TNIK: variants seen among roughly 807,000 people sequenced by gnomAD.
TNIK encodes the protein TRAF2 and NCK interacting kinase.
In TNIK, 49 loss-of-function variants were observed where a neutral mutation model predicts 191.3. That is an observed-to-expected ratio of 0.26 (90% CI 0.20 to 0.32). The LOEUF (loss-of-function observed/expected upper bound fraction) is 0.32, where lower values mean the gene tolerates loss of function less well. Among genes scored for constraint, TNIK ranks in the 10% least tolerant of loss-of-function variants. The pLI is 1.00. For synonymous variants in TNIK, 594 were observed against 600.9 expected, an observed-to-expected ratio of 0.99 and a Z score of 0.17; for missense variants, 1,155 against 1,702.3, an observed-to-expected ratio of 0.68 and a Z score of 5.66.
intron 1 of TNIK, among the ~76,000 whole-genome samples, chr3:171,405,503 T>C (rs1474395891): frequency 2.5e-5 from 2 of 78,744 alleles, no homozygotes; most frequent in Non-Finnish European, 5.1e-5. Context: ...AATCACCAAA[T>C]CTGGTAAAAA....
At chr3:171,135,994 G>T (rs940187650) in intron 15 of TNIK, among the ~76,000 whole-genome samples, 6 of 152,238 alleles carry the variant, frequency 3.9e-5, no homozygotes, top group Non-Finnish European at 7.3e-5. Context: ...GGAAAACAGT[G>T]AAGTCAAGGT....
chr3:171,208,995 G>A (rs35344711), intron 4 of TNIK, among the ~76,000 whole-genome samples: 7,611 of 151,756 alleles, frequency 0.05, 287 homozygotes, highest in Middle Eastern at 0.1. Context: ...CTAAATAAGT[G>A]ACCTGATTTA....
chr3:171,101,666 G>A, intron 21 of TNIK, 33 bp from the exon 22 acceptor site: 1 of 1,599,932 alleles, frequency 6.3e-7, no homozygotes. Context: ...GCATATGAGT[G>A]GTAGATACGA....
intron 4 of TNIK, among the ~76,000 whole-genome samples, chr3:171,204,710 G>C (rs1295856266): frequency 6.6e-6 from 1 of 152,120 alleles, no homozygotes; most frequent in Non-Finnish European, 1.5e-5. Context: ...TTTGAATATT[G>C]GGTAAATAGA....
At chr3:171,209,176 TA>T (rs113954271) in intron 4 of TNIK, among the ~76,000 whole-genome samples, 31 of 150,688 alleles carry the variant, frequency 2.1e-4, no homozygotes, top group South Asian at 6.4e-4. Context: ...ACATTATAAT[TA>T]AAAAAAAATC....
At chr3:171,274,371 T>G (rs906978784) in intron 2 of TNIK, among the ~76,000 whole-genome samples, 1 of 152,156 alleles carries the variant, frequency 6.6e-6, no homozygotes, top group African/African-American at 2.4e-5. Flanking sequence ...TCAGGTTGCT[T>G]ATAGAGACCG....
At chr3:171,321,726 C>A (rs6795910) in intron 2 of TNIK, among the ~76,000 whole-genome samples, 27,108 of 152,004 alleles carry the variant, frequency 0.18, 2,647 homozygotes, top group African/African-American at 0.22. Context: ...ACACACCAGG[C>A]GGGAAGGGAA....
intron 2 of TNIK, among the ~76,000 whole-genome samples, chr3:171,296,892 T>C (rs761852147): frequency 1.2e-4 from 19 of 152,236 alleles, no homozygotes; most frequent in Non-Finnish European, 1.0e-4. Context: ...GTATTCTATC[T>C]TTACTTTCAA....
At chr3:171,092,874 A>G (rs1436609862) in intron 23 of TNIK, among the ~76,000 whole-genome samples, 3 of 152,244 alleles carry the variant, frequency 2.0e-5, no homozygotes, top group South Asian at 2.1e-4. Context: ...AACAGATGAC[A>G]TATGTTTATG....
intron 2 of TNIK, among the ~76,000 whole-genome samples, chr3:171,231,021 C>A (rs535833498): frequency 8.7e-4 from 132 of 152,350 alleles, no homozygotes; most frequent in African/African-American, 3.0e-3. Context: ...CTTTGAGAGA[C>A]TTTGCAGTAG....
intron 1 of TNIK, among the ~76,000 whole-genome samples, chr3:171,422,073 A>G (rs1463036827): frequency 6.6e-6 from 1 of 152,114 alleles, no homozygotes; most frequent in Admixed American, 6.6e-5. Context: ...TTGTCTGTAA[A>G]TAAAGACAAC....
intron 1 of TNIK, among the ~76,000 whole-genome samples, chr3:171,458,787 T>C (rs1729061886): frequency 6.6e-6 from 1 of 152,166 alleles, no homozygotes; most frequent in Admixed American, 6.5e-5. Flanking sequence ...ATGAATTCCT[T>C]CTCATCCACC....
Position 171,082,328 on chromosome 3 carries a change from A to G in TNIK, c.3236T>C (p.Val1079Ala). ...MLLDRSGQGK[V>A]YNLINRRRFQ... ...TCGCCTCCGGTTGATCAGATTATAG[A>G]CTTTGCCTTGCCCACTTCGGTCCAA... Residue 1079 changes from valine (V) to alanine (A), a missense_variant, in exon 27 of 33, where the codon GTC becomes GCC. This residue lies in a region of TNIK where 195 missense variants were observed against 415.4 expected (regional missense o/e 0.47). Transcript: ENST00000436636. The G allele has an allele frequency of 6.2e-7, 1 of 1,613,836 alleles. No homozygotes were observed. The highest frequency in any genetic ancestry group is 8.5e-7 in the Non-Finnish European group (1 of 1,179,808).
chr3:171,329,242 T>G (rs930563436), intron 2 of TNIK, among the ~76,000 whole-genome samples: 1 of 152,222 alleles, frequency 6.6e-6, no homozygotes, highest in Admixed American at 6.5e-5. Flanking sequence ...CTCAAATAAA[T>G]GTTATTATCA....
intron 2 of TNIK, among the ~76,000 whole-genome samples, chr3:171,252,745 CTT>C (rs1019667421): frequency 6.6e-6 from 1 of 152,066 alleles, no homozygotes; most frequent in African/African-American, 2.4e-5. Context: ...CTGGGAGAAA[CTT>C]AATCTGGGTT....
chr3:171,164,858 G>T (rs1198904297), intron 10 of TNIK, among the ~76,000 whole-genome samples: 1 of 152,196 alleles, frequency 6.6e-6, no homozygotes, highest in African/African-American at 2.4e-5. Flanking sequence ...AGCTTGGGCT[G>T]GCCTCCCAGC....
At chr3:171,097,930 CAAAAT>C (rs1008870531) in intron 22 of TNIK, among the ~76,000 whole-genome samples, 4 of 151,774 alleles carry the variant, frequency 2.6e-5, no homozygotes, top group Non-Finnish European at 4.4e-5. Context: ...ATTTGAGCAA[CAAAAT>C]AAAGATTATA....
chr3:171,264,424 G>A (rs1050997103), intron 2 of TNIK, among the ~76,000 whole-genome samples: 2 of 151,738 alleles, frequency 1.3e-5, no homozygotes, highest in Non-Finnish European at 2.9e-5. Flanking sequence ...GTGCTATCTC[G>A]GCTCACCTCA....
intron 30 of TNIK, among the ~76,000 whole-genome samples, chr3:171,067,173 A>G (rs1349330361): frequency 1.3e-5 from 2 of 152,176 alleles, no homozygotes; most frequent in Non-Finnish European, 2.9e-5. Flanking sequence ...TGTGTTTTCT[A>G]TTAGCACAAC....
Sources: allele counts gnomAD v4.1 joint callset (sites outside exome capture counted in the v4.1 genomes callset), GRCh38; gene constraint gnomAD v4.1.1; regional missense constraint gnomAD v4.1.1; transcripts MANE v1.5; gene names NCBI Gene and HGNC (gene_info 2026-07-23, HGNC 2026-07-21).